Variants in TRAPPC13 observed in about 807,000 individuals in gnomAD.
TRAPPC13 encodes REV7-interacting novel NHEJ regulator 1.
A neutral mutation model predicts 54.0 loss-of-function variants in TRAPPC13; 39 were observed. The ratio of observed to expected loss-of-function variants is 0.72; its 90% CI spans 0.56 to 0.94. The LOEUF is 0.94. TRAPPC13 is among the 40% of genes least tolerant of loss of function. The pLI, the probability that TRAPPC13 is intolerant of heterozygous loss-of-function variation, is 0.00. For missense variants in TRAPPC13, 386 were observed against 488.1 expected (o/e 0.79, Z 1.97); for synonymous variants, 148 against 167.7 (o/e 0.88, Z 0.91).
chr5:65,638,957 G>C (rs1398457183), intron 4 of TRAPPC13, among the ~76,000 whole-genome samples: 1 of 152,020 alleles, frequency 6.6e-6, no homozygotes, highest in Non-Finnish European at 1.5e-5. Flanking sequence ...GGTGGCGTGT[G>C]CTTGTAATCC....
rs979649761 is a variant in TRAPPC13 at position 65,630,509 on chromosome 5, A to G, written c.47-4792A>G. The G allele has an allele frequency of 6.8e-6, 9 of 1,329,666 alleles. No individual in the cohort carries two copies. In the African/African-American group the frequency reaches 1.3e-4, roughly 20 times the overall value. The allele number at this position is 1,329,666 out of a possible 1,614,324, so 82.4% of individuals were successfully genotyped here. On this transcript the variant is annotated intron_variant, in intron 1 of 12. Transcript: ENST00000399438. ...TTCTGCTTATTGGCAGCCTTCTTTT[A>G]AATGTGATAAATTATTGTTTACACT...
At chr5:65,659,016 G>A (rs1202281771) in intron 9 of TRAPPC13, among the ~76,000 whole-genome samples, 2 of 152,104 alleles carry the variant, frequency 1.3e-5, no homozygotes, top group Admixed American at 6.6e-5. Context: ...CACTGTGCCT[G>A]GCCTACATCT....
At chr5:65,632,990 A>G (rs138347579) in intron 1 of TRAPPC13, among the ~76,000 whole-genome samples, 54 of 152,378 alleles carry the variant, frequency 3.5e-4, no homozygotes, top group East Asian at 7.7e-4. Flanking sequence ...AACGTAGTAC[A>G]TAAGAGCCTA....
At chr5:65,635,175 A>G (rs1755702267) in intron 1 of TRAPPC13, 126 bp from the exon 2 acceptor site, 1 of 821,882 alleles carries the variant, frequency 1.2e-6, no homozygotes, top group East Asian at 2.8e-5. Context: ...GTAGTATTAT[A>G]TTTAGGAAGT....
At chr5:65,650,578 G>A (rs910595531) in intron 5 of TRAPPC13, among the ~76,000 whole-genome samples, 2 of 152,076 alleles carry the variant, frequency 1.3e-5, no homozygotes, top group African/African-American at 4.8e-5. Flanking sequence ...GTGAAGTCAG[G>A]AAGTTTCTGA....
intron 1 of TRAPPC13, among the ~76,000 whole-genome samples, chr5:65,628,734 G>T (rs970445563): frequency 4.6e-5 from 7 of 151,798 alleles, no homozygotes; most frequent in African/African-American, 9.7e-5. Context: ...CCCCCATAAA[G>T]TTCTGGGATT....
intron 1 of TRAPPC13, chr5:65,629,846 A>G: frequency 6.5e-7 from 1 of 1,536,050 alleles, no homozygotes; most frequent in Non-Finnish European, 8.7e-7. Flanking sequence ...TTATGATTGC[A>G]CAGTAGATCT....
chr5:65,635,377 A>T lies in TRAPPC13; in HGVS notation c.115+8A>T. ...AAGAGAAAGACTTACCTGGTATGGCACATGCTTTCCTCTATTTGCACCTAG... is the reference window on the plus strand; with the variant it reads ...AAGAGAAAGACTTACCTGGTATGGCTCATGCTTTCCTCTATTTGCACCTAG... On this transcript the variant is annotated splice_region_variant and intron_variant, in intron 2 of 12. Transcript: ENST00000399438. The T allele has an allele frequency of 6.2e-7, 1 of 1,611,128 alleles. No homozygotes were observed.
chr5:65,658,335 A>T, intron 8 of TRAPPC13, 33 bp from the exon 9 acceptor site: 1 of 1,557,310 alleles, frequency 6.4e-7, no homozygotes, highest in Non-Finnish European at 8.7e-7. Flanking sequence ...AAATGCCACC[A>T]CACCTTGGTG....
intron 11 of TRAPPC13, 111 bp from the exon 12 acceptor site, chr5:65,664,126 T>A (rs1276593387): frequency 3.6e-6 from 4 of 1,116,366 alleles, no homozygotes; most frequent in Non-Finnish European, 5.1e-6. Flanking sequence ...TTTCTGGTTT[T>A]TATTCTCCTG....
rs538183327 is a variant in TRAPPC13 at position 65,650,354 on chromosome 5, G to T, written c.429-456G>T. On this transcript the variant is annotated intron_variant, in intron 5 of 12. Coordinates refer to ENST00000399438, the MANE Select transcript of TRAPPC13 (RefSeq NM_024941.4). ...TTTTTGTAATTTTAGTAGAGACAGG[G>T]TTTCACCATGTTTGCCAGGCTGCTC... is the stretch of plus-strand genomic sequence containing the variant. 1.2e-3 allele frequency among the ~76,000 whole-genome samples: 177 copies of T among 151,584 alleles called. 3 individuals are homozygous for T. The highest frequency in any genetic ancestry group is 4.1e-3 in the African/African-American group (169 of 41,316).
intron 4 of TRAPPC13, among the ~76,000 whole-genome samples, chr5:65,641,280 A>G (rs1755954718): frequency 6.6e-6 from 1 of 152,178 alleles, no homozygotes; most frequent in Admixed American, 6.5e-5. Context: ...GATATAGGTC[A>G]TGAAGCACAG....
intron 1 of TRAPPC13, among the ~76,000 whole-genome samples, chr5:65,632,516 AATT>A (rs1178985349): frequency 6.6e-6 from 1 of 152,164 alleles, no homozygotes; most frequent in Non-Finnish European, 1.5e-5. Flanking sequence ...TATAATTAAT[AATT>A]ATTATAGAGA....
chr5:65,645,580 G>A (rs1320160956), intron 4 of TRAPPC13, among the ~76,000 whole-genome samples: 4 of 152,030 alleles, frequency 2.6e-5, no homozygotes, highest in Non-Finnish European at 5.9e-5. Flanking sequence ...CGAGGCGGGC[G>A]GATCACGAGG....
chr5:65,660,608 C>A, intron 9 of TRAPPC13, 91 bp from the exon 10 acceptor site: 1 of 1,001,598 alleles, frequency 1.0e-6, no homozygotes, highest in Non-Finnish European at 1.4e-6. Context: ...GTACATCATC[C>A]AGTTCCTATC....
intron 1 of TRAPPC13, among the ~76,000 whole-genome samples, chr5:65,633,328 T>A (rs1193088034): frequency 6.6e-6 from 1 of 152,112 alleles, no homozygotes; most frequent in Non-Finnish European, 1.5e-5. Context: ...TTGCCCAGGC[T>A]GGAGTGCAGT....
In TRAPPC13 at chr5:65,635,968, G is replaced by C. The variant is rs1423296184; in HGVS notation, c.140G>C (p.Arg47Thr). The part of the protein sequence containing the change: ...LPGDLFNQLM[R>T]DDPSTVNGAE... The stretch of plus-strand genomic sequence containing the variant: ...GGAGATCTCTTTAACCAGCTGATGA[G>C]AGATGATCCTTCAACCGTTAATGGT... Residue 47 changes from arginine (R) to threonine (T), a missense_variant, in exon 3 of 13, where the codon AGA becomes ACA. By Grantham distance (71) the Arg-to-Thr change is moderately conservative (BLOSUM62 -1). Coordinates refer to ENST00000399438, the MANE Select transcript of TRAPPC13 (RefSeq NM_024941.4). 1.9e-6 allele frequency: 3 copies of C among 1,598,350 alleles called. No homozygotes were observed. Among genetic ancestry groups the C allele is most frequent in the Non-Finnish European group, 2.6e-6 (3 of 1,171,606 alleles).
In TRAPPC13 at chr5:65,664,788, A is replaced by G. The variant is rs1005912506; in HGVS notation, c.*177A>G. 3.3e-6 allele frequency: 2 copies of G among 599,226 alleles called. No individual in the cohort carries two copies. Among genetic ancestry groups the G allele is most frequent in the Admixed American group, 3.3e-5 (1 of 30,440 alleles). The allele number at this position is 599,226 out of a possible 1,614,324, so 37.1% of individuals were successfully genotyped here. A position where few individuals can be genotyped will look rare whatever the true frequency, so the allele number is the denominator to read the frequency against. Reference sequence around the variant, plus strand: ...GAGATCTGATTTTATCTTGTAATTTATATTTGAAATGAACATGTGTATATT... The same window carrying G: ...GAGATCTGATTTTATCTTGTAATTTGTATTTGAAATGAACATGTGTATATT... On this transcript the variant is annotated 3_prime_UTR_variant, in exon 13 of 13. Coordinates refer to ENST00000399438, the MANE Select transcript of TRAPPC13 (RefSeq NM_024941.4).
At position 65,660,842 on chromosome 5, in the gene TRAPPC13, G is replaced by A. The variant is rs1265829022; in HGVS notation, c.842G>A (p.Trp281Ter). The A allele has an allele frequency of 6.2e-7, 1 of 1,613,386 alleles. No individual in the cohort carries two copies. The highest frequency in any genetic ancestry group is 8.5e-7 in the Non-Finnish European group (1 of 1,179,680). The change falls in exon 10 of 13, where the codon TGG becomes TAG. Residue 281 changes from tryptophan (W) to a stop codon, truncating the protein, a stop_gained. Transcript: ENST00000399438. LOFTEE classifies it high-confidence loss of function. ...GTAATTGGAAAATTGGATATAGTATGGAAAACAAATCTAGGTGAAAGGGGA... is the reference window on the plus strand; with the variant it reads ...GTAATTGGAAAATTGGATATAGTATAGAAAACAAATCTAGGTGAAAGGGGA... Reference protein sequence around the residue: ...VTVIGKLDIVWKTNLGERGRL... With the variant: ...VTVIGKLDIV
Sources: gnomAD v4.1 joint callset for allele counts (sites outside exome capture counted in the v4.1 genomes callset) on GRCh38, gnomAD v4.1.1 for gene constraint, MANE v1.5 for transcripts, NCBI Gene and HGNC (gene_info 2026-07-23, HGNC 2026-07-21) for gene names.